Variants in FAM135B observed in about 807,000 individuals in gnomAD.
The protein encoded by FAM135B is family with sequence similarity 135 member B, also known as protein FAM135B.
A neutral mutation model predicts 127.7 loss-of-function variants in FAM135B; 43 were observed. The observed-to-expected ratio is 0.34, with a 90% CI of 0.26 to 0.43. The LOEUF is 0.43. FAM135B is among the 20% of genes least tolerant of loss of function. FAM135B has a pLI of 1.00. For missense variants in FAM135B, 1,558 were observed against 1,725.6 expected, an observed-to-expected ratio of 0.90 and a Z score of 1.72; for synonymous variants, 670 against 665.1, an observed-to-expected ratio of 1.01 and a Z score of -0.11.
intron 3 of FAM135B, among the ~76,000 whole-genome samples, chr8:138,305,579 A>G (rs1259392896): frequency 6.6e-6 from 1 of 152,264 alleles, no homozygotes; most frequent in Non-Finnish European, 1.5e-5. Flanking sequence ...CAAGCCTTTG[A>G]AGAAAGCATA....
intron 1 of FAM135B, among the ~76,000 whole-genome samples, chr8:138,402,756 A>AAT (rs1833223250): frequency 6.6e-6 from 1 of 152,204 alleles, no homozygotes; most frequent in South Asian, 2.1e-4. Context: ...TGCAAAAGTG[A>AAT]ATAATGCAAG....
chr8:138,192,835 T>C (rs1004687272), intron 9 of FAM135B, among the ~76,000 whole-genome samples: 2 of 152,232 alleles, frequency 1.3e-5, no homozygotes, highest in Admixed American at 1.3e-4. Context: ...ATCCCCGTCT[T>C]GCTAAATGAG....
At chr8:138,343,598 C>G (rs535828408) in intron 2 of FAM135B, among the ~76,000 whole-genome samples, 28 of 152,292 alleles carry the variant, frequency 1.8e-4, no homozygotes, top group African/African-American at 5.8e-4. Context: ...CTGCTTTCAC[C>G]GCCAGTGCCC....
intron 3 of FAM135B, among the ~76,000 whole-genome samples, chr8:138,275,833 G>C (rs1823780856): frequency 6.6e-6 from 1 of 152,160 alleles, no homozygotes; most frequent in South Asian, 2.1e-4. Flanking sequence ...CCATAGTGAG[G>C]ACTGAACACA....
At chr8:138,379,002 T>C (rs78162646) in intron 1 of FAM135B, among the ~76,000 whole-genome samples, 2,529 of 152,292 alleles carry the variant, frequency 0.017, 67 homozygotes, top group African/African-American at 0.057. Context: ...CATGGAGCCT[T>C]TTCCCTTTCT....
Position 138,263,490 on chromosome 8 carries a change from G to C in FAM135B, c.297+2213C>G, listed in dbSNP as rs1026507831. ...ATAGCAGGTGGGACAGCAGAGAGGG[G>C]AAACGGCCAAGTAGTCGAAAGCTAG... On this transcript the variant is annotated intron_variant, in intron 4 of 19. Coordinates refer to ENST00000395297, the MANE Select transcript of FAM135B (RefSeq NM_015912.4). 2.4e-4 allele frequency among the ~76,000 whole-genome samples: 36 copies of C among 152,224 alleles called. 1 individual carries two copies. The highest frequency in any genetic ancestry group is 7.7e-4 in the African/African-American group (32 of 41,456).
chr8:138,323,073 C>G (rs907915463), intron 2 of FAM135B, among the ~76,000 whole-genome samples: 1 of 152,198 alleles, frequency 6.6e-6, no homozygotes, highest in Non-Finnish European at 1.5e-5. Context: ...TACTGACATA[C>G]TTTTCCAAGG....
At chr8:138,291,602 G>A (rs1039485479) in intron 3 of FAM135B, among the ~76,000 whole-genome samples, 14 of 152,174 alleles carry the variant, frequency 9.2e-5, no homozygotes, top group African/African-American at 3.4e-4. Flanking sequence ...TCATAATCAA[G>A]TAGAATCTAC....
chr8:138,199,948 T>C (rs777214581), intron 7 of FAM135B, among the ~76,000 whole-genome samples: 105 of 152,270 alleles, frequency 6.9e-4, no homozygotes, highest in Middle Eastern at 3.4e-3. Context: ...CCAAACCCTA[T>C]CACCCTAGCA....
chr8:138,260,771 T>C (rs920991469), intron 4 of FAM135B, among the ~76,000 whole-genome samples: 17 of 152,286 alleles, frequency 1.1e-4, no homozygotes, highest in Admixed American at 1.0e-3. Context: ...AGCAACTGCC[T>C]GTATGCCCTT....
intron 2 of FAM135B, among the ~76,000 whole-genome samples, chr8:138,361,664 C>G (rs887541358): frequency 3.3e-5 from 5 of 152,178 alleles, no homozygotes; most frequent in African/African-American, 9.7e-5. Context: ...AAGTATGCTG[C>G]AATAAATAAA....
Position 138,152,271 on chromosome 8 carries a change from C to T in FAM135B, c.2204G>A (p.Ser735Asn), listed in dbSNP as rs2130763065. Residue 735 changes from serine (S) to asparagine (N), a missense_variant, in exon 13 of 20, where the codon AGT (serine) becomes AAT (asparagine). This residue lies in a region of FAM135B where 923 missense variants were observed against 865.3 expected (regional missense o/e 1.07). Coordinates refer to ENST00000395297, the MANE Select transcript of FAM135B (RefSeq NM_015912.4). Reference sequence around the variant, plus strand: ...GATGCCGCTTGGCAAACTTGTGTTACTTTCTGTGTGTCCACCCTCTAGGGA... The same window carrying T: ...GATGCCGCTTGGCAAACTTGTGTTATTTTCTGTGTGTCCACCCTCTAGGGA... ...RNSLEGGHTESNTSLPSGIQA... is the reference protein window; with the variant it reads ...RNSLEGGHTENNTSLPSGIQA... 6.2e-7 allele frequency: 1 copy of T among 1,614,084 alleles called. No individual in the cohort carries two copies. The highest frequency in any genetic ancestry group is 8.5e-7 in the Non-Finnish European group (1 of 1,180,036).
intron 1 of FAM135B, among the ~76,000 whole-genome samples, chr8:138,395,092 G>A (rs1384694894): frequency 6.6e-6 from 1 of 152,214 alleles, no homozygotes; most frequent in Admixed American, 6.5e-5. Context: ...AATGCAGTGA[G>A]TTAATGCCTT....
At chr8:138,427,473 T>C (rs938761394) in intron 1 of FAM135B, among the ~76,000 whole-genome samples, 2 of 152,092 alleles carry the variant, frequency 1.3e-5, no homozygotes, top group African/African-American at 4.8e-5. Context: ...AGTTAAGTTT[T>C]CTGAACCTTG....
intron 2 of FAM135B, among the ~76,000 whole-genome samples, chr8:138,344,061 G>C (rs1446990342): frequency 3.9e-5 from 6 of 152,210 alleles, no homozygotes; most frequent in Non-Finnish European, 8.8e-5. Flanking sequence ...CGGAGGCTAG[G>C]GAGAGGCAGT....
At chr8:138,347,636 T>C (rs907782730) in intron 2 of FAM135B, among the ~76,000 whole-genome samples, 5 of 152,160 alleles carry the variant, frequency 3.3e-5, no homozygotes, top group African/African-American at 1.2e-4. Flanking sequence ...CTTAAGATGA[T>C]ACAAGTTGCA....
intron 2 of FAM135B, among the ~76,000 whole-genome samples, chr8:138,334,636 A>C (rs187292026): frequency 5.5e-4 from 83 of 152,256 alleles, no homozygotes; most frequent in African/African-American, 1.9e-3. Context: ...AAGTGAGAAC[A>C]TGTGGTATTT....
chr8:138,314,693 C>CAGTAAATAAATA lies in FAM135B; in HGVS notation c.78-3774_78-3773insTATTTATTTACT, dbSNP rs1554662772. ...GCAATATATGGAGACCCCATCCCTA[C>CAGTAAATAAATA]AATAAATAAATAAATAAATAAATAA... On this transcript the variant is annotated intron_variant, in intron 2 of 19. Transcript: ENST00000395297. Among the ~76,000 whole-genome samples the CAGTAAATAAATA allele has an allele frequency of 6.7e-5, 8 of 120,296 alleles. No homozygotes were observed. In the East Asian group the frequency reaches 8.9e-4, roughly 13 times the overall value. The allele number at this position is 120,296 out of a possible 152,430, so 78.9% of individuals were successfully genotyped here.
intron 2 of FAM135B, among the ~76,000 whole-genome samples, chr8:138,340,503 G>A (rs189800232): frequency 6.6e-6 from 1 of 152,242 alleles, no homozygotes. Context: ...GACGGAGAGA[G>A]GATGATGGGT....
Sources: gnomAD v4.1 joint callset for allele counts (sites outside exome capture counted in the v4.1 genomes callset) on GRCh38, gnomAD v4.1.1 for gene constraint, gnomAD v4.1.1 regional missense constraint, MANE v1.5 for transcripts, NCBI Gene and HGNC (gene_info 2026-07-23, HGNC 2026-07-21) for gene names.